Variants in MGRN1 observed in about 807,000 individuals in gnomAD.
MGRN1 encodes mahogunin ring finger 1.
A neutral mutation model predicts 69.2 loss-of-function variants in MGRN1; 29 were observed. That is an observed-to-expected ratio of 0.42 (90% CI 0.31 to 0.57). The LOEUF is 0.57. MGRN1 is among the 20% of genes least tolerant of loss of function. The pLI, the probability that MGRN1 is intolerant of heterozygous loss-of-function variation, is 0.15. For synonymous variants in MGRN1, 470 were observed against 344.2 expected, an observed-to-expected ratio of 1.37 and a Z score of -4.04; for missense variants, 998 against 796.2, an observed-to-expected ratio of 1.25 and a Z score of -3.05.
At chr16:4,682,800 C>T (rs751934785) in intron 13 of MGRN1, 23 bp from the exon 14 acceptor site, 5 of 1,525,738 alleles carry the variant, frequency 3.3e-6, no homozygotes, top group Admixed American at 4.1e-5. Flanking sequence ...CTCACCCCTG[C>T]CCACCCTCTC....
chr16:4,681,499 G>A, intron 12 of MGRN1, 51 bp from the exon 13 acceptor site: 2 of 1,536,902 alleles, frequency 1.3e-6, no homozygotes, highest in African/African-American at 1.4e-5. Flanking sequence ...GAGCGTCTGG[G>A]GAGCAGGTGG....
intron 11 of MGRN1, among the ~76,000 whole-genome samples, chr16:4,678,472 G>T (rs1283818157): frequency 1.3e-5 from 2 of 152,128 alleles, no homozygotes; most frequent in Admixed American, 6.5e-5. Context: ...GACAGAGAAA[G>T]ATGTGGAGAG....
intron 7 of MGRN1, among the ~76,000 whole-genome samples, chr16:4,667,582 C>T (rs958541562): frequency 6.6e-6 from 1 of 152,188 alleles, no homozygotes; most frequent in African/African-American, 2.4e-5. Flanking sequence ...TTTTTGGAGT[C>T]CAACATTCTG....
chr16:4,662,443 G>A (rs955980787), intron 5 of MGRN1, among the ~76,000 whole-genome samples: 1 of 151,856 alleles, frequency 6.6e-6, no homozygotes, highest in East Asian at 1.9e-4. Context: ...TTGAACCCAG[G>A]GGGTGGAGGT....
At chr16:4,668,914 A>G (rs1193926774) in intron 8 of MGRN1, among the ~76,000 whole-genome samples, 3 of 152,054 alleles carry the variant, frequency 2.0e-5, no homozygotes, top group Non-Finnish European at 2.9e-5. Flanking sequence ...GCACACATAT[A>G]CAGACATACA....
In MGRN1 at chr16:4,657,242, G is replaced by A; in HGVS notation, c.444-4G>A. On this transcript the variant is annotated splice_polypyrimidine_tract_variant and splice_region_variant and intron_variant, in intron 4 of 16. Coordinates refer to ENST00000262370, the MANE Select transcript of MGRN1 (RefSeq NM_015246.4). Reference sequence around the variant, plus strand: ...CCTCACTGCTTGCTCCTGGCTCCCTGCAGATACAGCCCCAAGAGCCCCTCG... The same window carrying A: ...CCTCACTGCTTGCTCCTGGCTCCCTACAGATACAGCCCCAAGAGCCCCTCG... The A allele has an allele frequency of 6.2e-7, 1 of 1,613,264 alleles. No individual in the cohort carries two copies. The highest frequency in any genetic ancestry group is 8.5e-7 in the Non-Finnish European group (1 of 1,179,334).
At chr16:4,681,885 C>A in intron 13 of MGRN1, 109 bp downstream of exon 13, 1 of 1,132,418 alleles carries the variant, frequency 8.8e-7, no homozygotes, top group Non-Finnish European at 1.2e-6. Flanking sequence ...TGTGGCGATT[C>A]CCCAGAAGGA....
intron 11 of MGRN1, among the ~76,000 whole-genome samples, chr16:4,679,573 C>T (rs920891932): frequency 6.6e-6 from 1 of 152,210 alleles, no homozygotes; most frequent in Non-Finnish European, 1.5e-5. Flanking sequence ...GGGGCTGACT[C>T]TTCTCCCCAG....
At chr16:4,638,859 C>G (rs2078092366) in intron 1 of MGRN1, among the ~76,000 whole-genome samples, 2 of 152,202 alleles carry the variant, frequency 1.3e-5, no homozygotes, top group Admixed American at 6.5e-5. Context: ...GGAACGATGG[C>G]TGAGGCAGCC....
chr16:4,663,100 G>A (rs2078718950), intron 5 of MGRN1, among the ~76,000 whole-genome samples: 6 of 152,204 alleles, frequency 3.9e-5, no homozygotes, highest in Admixed American at 3.9e-4. Flanking sequence ...GTCTCACTGT[G>A]TCGCCCAGGC....
intron 16 of MGRN1, among the ~76,000 whole-genome samples, chr16:4,684,271 G>A (rs150866828): frequency 0.016 from 2,424 of 152,336 alleles, 32 homozygotes; most frequent in Non-Finnish European, 0.025. Flanking sequence ...TGCTGCTCAC[G>A]CCAGGAGGGC....
intron 2 of MGRN1, 79 bp from the exon 3 acceptor site, chr16:4,651,884 G>A: frequency 7.8e-7 from 1 of 1,280,482 alleles, no homozygotes. Context: ...CTGGGGCTGT[G>A]GCTGCTGCAC....
rs778321703 is a variant in MGRN1 at position 4,680,102 on chromosome 16, GTGTC to G, written c.1131+8_1131+11del. 9.2e-5 allele frequency: 148 copies of G among 1,613,726 alleles called. No homozygotes were observed. The highest frequency in any genetic ancestry group is 1.2e-4 in the Non-Finnish European group (144 of 1,179,814). The stretch of plus-strand genomic sequence containing the variant: ...AAGAAACCTAAAAGGGAAACAGTAA[GTGTC>G]TGGTCCTCCGGCTACGTTTTTTTGC... On this transcript the variant is annotated splice_donor_region_variant and intron_variant, in intron 12 of 16. Coordinates refer to ENST00000262370, the MANE Select transcript of MGRN1 (RefSeq NM_015246.4).
chr16:4,687,660 G>A (rs1452013473), intron 16 of MGRN1: 3 of 984,496 alleles, frequency 3.0e-6, no homozygotes, highest in African/African-American at 3.5e-5. Flanking sequence ...GTAGGCAGAC[G>A]GATTGGGGAC....
At chr16:4,642,006 C>T (rs1307848332) in intron 1 of MGRN1, among the ~76,000 whole-genome samples, 1 of 152,054 alleles carries the variant, frequency 6.6e-6, no homozygotes, top group African/African-American at 2.4e-5. Flanking sequence ...TCGTCTCCTG[C>T]AGGTGTGAGT....
At position 4,663,365 on chromosome 16, in the gene MGRN1, G is replaced by GTTTTTTTT. The variant is rs1183914569; in HGVS notation, c.562-1325_562-1318dup. On this transcript the variant is annotated intron_variant, in intron 5 of 16. Coordinates refer to ENST00000262370, the MANE Select transcript of MGRN1 (RefSeq NM_015246.4). Reference sequence around the variant, plus strand: ...GGCGGGAGCCACGGCACCTGGCCTTGTTTTTTTTTTTTTTTTTTTTTTTTT... The same window carrying GTTTTTTTT: ...GGCGGGAGCCACGGCACCTGGCCTTGTTTTTTTTTTTTTTTTTTTTTTTTTTTTTTTTT... 1.4e-3 allele frequency among the ~76,000 whole-genome samples: 87 copies of GTTTTTTTT among 61,826 alleles called. 8 individuals are homozygous for GTTTTTTTT. Among genetic ancestry groups the GTTTTTTTT allele is most frequent in the South Asian group, 9.3e-3 (13 of 1,404 alleles). The allele number at this position is 61,826 out of a possible 152,430, so 40.6% of individuals were successfully genotyped here.
At chr16:4,645,320 C>T (rs1355568197) in intron 1 of MGRN1, among the ~76,000 whole-genome samples, 1 of 152,030 alleles carries the variant, frequency 6.6e-6, no homozygotes, top group Non-Finnish European at 1.5e-5. Context: ...GCATGCGCTG[C>T]CATGCCCAGC....
intron 1 of MGRN1, among the ~76,000 whole-genome samples, chr16:4,642,327 G>A (rs999817355): frequency 3.3e-5 from 5 of 151,458 alleles, no homozygotes; most frequent in South Asian, 2.1e-4. Flanking sequence ...AAACGGAGTC[G>A]TCTTCTGTCA....
intron 3 of MGRN1, 121 bp downstream of exon 3, chr16:4,652,172 C>A: frequency 1.1e-6 from 1 of 884,418 alleles, no homozygotes; most frequent in Non-Finnish European, 1.7e-6. Context: ...TGCGCCCTCC[C>A]GTGTGGAATG....
Sources: gnomAD v4.1 joint callset for allele counts (sites outside exome capture counted in the v4.1 genomes callset) on GRCh38, gnomAD v4.1.1 for gene constraint, MANE v1.5 for transcripts, NCBI Gene and HGNC (gene_info 2026-07-23, HGNC 2026-07-21) for gene names.